The following RIMS1 variants were observed in gnomAD, a reference collection of about 807,000 sequenced individuals.
The protein encoded by RIMS1 is regulating synaptic membrane exocytosis protein 1.
In RIMS1, 83 loss-of-function variants were observed where a neutral mutation model predicts 214.1. The ratio of observed to expected loss-of-function variants is 0.39; its 90% CI spans 0.32 to 0.47. RIMS1 has a LOEUF of 0.47. Among genes scored for constraint, RIMS1 ranks in the 20% least tolerant of loss-of-function variants. The pLI, the probability that RIMS1 is intolerant of heterozygous loss-of-function variation, is 0.99. For missense variants in RIMS1, 2,050 were observed against 2,161.8 expected, an observed-to-expected ratio of 0.95 and a Z score of 1.03; for synonymous variants, 793 against 786.8, an observed-to-expected ratio of 1.01 and a Z score of -0.13.
intron 2 of RIMS1, among the ~76,000 whole-genome samples, chr6:72,033,428 C>T (rs529282320): frequency 5.3e-5 from 8 of 152,270 alleles, no homozygotes; most frequent in Admixed American, 1.3e-4. Flanking sequence ...CTTATCACAT[C>T]GTGTGCCTCT....
chr6:71,981,636 C>G (rs942711426), intron 2 of RIMS1, among the ~76,000 whole-genome samples: 2 of 152,012 alleles, frequency 1.3e-5, no homozygotes, highest in African/African-American at 4.8e-5. Flanking sequence ...TCTAAGTTTC[C>G]TTATTTATAA....
intron 28 of RIMS1, among the ~76,000 whole-genome samples, chr6:72,325,429 AAAAG>A (rs1320370470): frequency 6.6e-6 from 1 of 151,208 alleles, no homozygotes; most frequent in Non-Finnish European, 1.5e-5. Flanking sequence ...TCAATCCACT[AAAAG>A]AACCTAGAAG....
intron 10 of RIMS1, among the ~76,000 whole-genome samples, chr6:72,243,151 C>T (rs2067724419): frequency 6.6e-6 from 1 of 151,610 alleles, no homozygotes; most frequent in Non-Finnish European, 1.5e-5. Context: ...TTATACTTGG[C>T]TTAATGTTTG....
At chr6:72,271,592 G>A (rs535700481) in intron 22 of RIMS1, among the ~76,000 whole-genome samples, 3 of 152,104 alleles carry the variant, frequency 2.0e-5, no homozygotes, top group Non-Finnish European at 2.9e-5. Context: ...GTATATGCAA[G>A]TACAGGTATT....
Position 72,303,562 on chromosome 6 carries a change from T to C in RIMS1, c.3851-3696T>C, listed in dbSNP as rs536568552. On this transcript the variant is annotated intron_variant, in intron 26 of 33. Coordinates refer to ENST00000521978, the MANE Select transcript of RIMS1 (RefSeq NM_014989.7). ...CCAGTCAGATTCCTTCTTGTTGAGC[T>C]TTAGAAGACAAGAAATTATTTCACA... Among the ~76,000 whole-genome samples, 216 of 151,556 alleles carry C rather than the reference T, an allele frequency of 1.4e-3. 1 individual carries two copies. Among genetic ancestry groups the C allele is most frequent in the African/African-American group, 4.6e-3 (193 of 41,540 alleles).
At chr6:72,378,775 G>C (rs2098437236) in intron 29 of RIMS1, among the ~76,000 whole-genome samples, 1 of 152,186 alleles carries the variant, frequency 6.6e-6, no homozygotes, top group African/African-American at 2.4e-5. Flanking sequence ...GGGGATGGAG[G>C]TTGCAGTGAG....
rs527381605 is a variant in RIMS1, at chr6:72,242,827, A to T, written c.2081+390A>T. Among the ~76,000 whole-genome samples, 199 of 152,014 alleles carry T rather than the reference A, an allele frequency of 1.3e-3. 1 individual carries two copies. Among genetic ancestry groups the T allele is most frequent in the African/African-American group, 4.5e-3 (186 of 41,568 alleles). On this transcript the variant is annotated intron_variant, in intron 10 of 33. Coordinates refer to ENST00000521978, the MANE Select transcript of RIMS1 (RefSeq NM_014989.7). ...ATATTTAAAATATTAATGATTTCAT[A>T]TGTCTACATGAACTTTTTATTATTC...
At position 72,371,591 on chromosome 6, in the gene RIMS1, C is replaced by G. The variant is rs561070854; in HGVS notation, c.4367-19007C>G. Among the ~76,000 whole-genome samples, 39 of 152,252 alleles carry G rather than the reference C, an allele frequency of 2.6e-4. No individual in the cohort carries two copies. In the South Asian group the frequency reaches 8.1e-3, roughly 32 times the overall value. On this transcript the variant is annotated intron_variant, in intron 29 of 33. Coordinates refer to ENST00000521978, the MANE Select transcript of RIMS1 (RefSeq NM_014989.7). ...TTGACTAACTTCTCTCCCAAGGACA[C>G]CAGAAAGGTAGAAGGAATCAGGAAT...
intron 4 of RIMS1, among the ~76,000 whole-genome samples, chr6:72,122,009 G>A (rs563727390): frequency 6.6e-6 from 1 of 151,938 alleles, no homozygotes; most frequent in South Asian, 2.1e-4. Context: ...AAGCCAACTT[G>A]ATCGTGGTGG....
At chr6:71,903,476 T>C (rs188542384) in intron 1 of RIMS1, among the ~76,000 whole-genome samples, 30 of 152,210 alleles carry the variant, frequency 2.0e-4, no homozygotes, top group African/African-American at 6.0e-4. Context: ...TCAAAAGCAA[T>C]TGCAACAAAA....
intron 27 of RIMS1, among the ~76,000 whole-genome samples, chr6:72,307,678 C>T (rs758184636): frequency 3.3e-5 from 5 of 151,744 alleles, no homozygotes; most frequent in Admixed American, 6.6e-5. Flanking sequence ...ACCTGGGAGG[C>T]GGAAGTTGCA....
chr6:71,911,110 C>T (rs1382778405), intron 1 of RIMS1, among the ~76,000 whole-genome samples: 1 of 152,164 alleles, frequency 6.6e-6, no homozygotes, highest in Non-Finnish European at 1.5e-5. Flanking sequence ...AGACAAACAT[C>T]ATAGTACGTC....
intron 6 of RIMS1, chr6:72,217,173 C>G: frequency 6.5e-7 from 1 of 1,536,748 alleles, no homozygotes; most frequent in Non-Finnish European, 8.7e-7. Context: ...TAGTTAACCA[C>G]TCCGATGCTG....
intron 8 of RIMS1, 141 bp from the exon 9 acceptor site, chr6:72,237,682 A>G (rs1043621269): frequency 4.6e-6 from 3 of 658,028 alleles, no homozygotes; most frequent in African/African-American, 3.7e-5. Flanking sequence ...TCTCAAAAAA[A>G]AAAAAAAAGT....
chr6:72,317,276 A>C, intron 28 of RIMS1: 1 of 293,388 alleles, frequency 3.4e-6, no homozygotes, highest in South Asian at 4.3e-5. Context: ...AAGGCTCCAC[A>C]TGCACCCCAG....
At chr6:72,247,119 C>G (rs1249974419) in intron 11 of RIMS1, among the ~76,000 whole-genome samples, 1 of 152,126 alleles carries the variant, frequency 6.6e-6, no homozygotes, top group Non-Finnish European at 1.5e-5. Context: ...TATAAACACT[C>G]TGTATTGCTC....
chr6:72,311,027 A>G (rs2095484657), intron 27 of RIMS1, among the ~76,000 whole-genome samples: 1 of 152,154 alleles, frequency 6.6e-6, no homozygotes, highest in African/African-American at 2.4e-5. Flanking sequence ...ATTTCCAACT[A>G]AAAATATTTT....
At chr6:72,223,947 C>CA (rs34645921) in intron 6 of RIMS1, among the ~76,000 whole-genome samples, 65,274 of 105,694 alleles carry the variant, frequency 0.62, 19,585 homozygotes, top group African/African-American at 0.73. Flanking sequence ...GACTCCGTCT[C>CA]AAAAAAAAAA....
rs1322495555 is a variant in RIMS1, at chr6:72,250,529, T to G, written c.2372+69T>G. On this transcript the variant is annotated intron_variant, in intron 13 of 33. Transcript: ENST00000521978. ...AATAGAAAAGGTAGAATTTTCTCTT[T>G]TGGGATGTTTTTAAAAAATATAATA... 3.5e-6 allele frequency: 4 copies of G among 1,155,424 alleles called. No individual in the cohort carries two copies. The Admixed American group carries it at 1.1e-4, about 31-fold the overall frequency. The allele number at this position is 1,155,424 out of a possible 1,614,324, so 71.6% of individuals were successfully genotyped here.
Sources: gnomAD v4.1 joint callset for allele counts (sites outside exome capture counted in the v4.1 genomes callset) on GRCh38, gnomAD v4.1.1 for gene constraint, MANE v1.5 for transcripts, NCBI Gene and HGNC (gene_info 2026-07-23, HGNC 2026-07-21) for gene names.